NFATC2: variants seen among roughly 807,000 people sequenced by gnomAD.
NFATC2 encodes nuclear factor of activated T cells 2.
In NFATC2, 22 loss-of-function variants were observed where a neutral mutation model predicts 87.3. The ratio of observed to expected loss-of-function variants is 0.25; its 90% CI spans 0.18 to 0.36. The LOEUF (loss-of-function observed/expected upper bound fraction) is 0.36, where lower values mean the gene tolerates loss of function less well. Among genes scored for constraint, NFATC2 ranks in the 10% least tolerant of loss-of-function variants. NFATC2 has a pLI of 1.00. For synonymous variants in NFATC2, 565 were observed against 542.2 expected, an observed-to-expected ratio of 1.04 and a Z score of -0.58; for missense variants, 1,149 against 1,259.1, an observed-to-expected ratio of 0.91 and a Z score of 1.32.
At chr20:51,423,291 CAAAAAAAAA>C (rs71192527) in intron 9 of NFATC2, among the ~76,000 whole-genome samples, 12 of 62,858 alleles carry the variant, frequency 1.9e-4, no homozygotes, top group African/African-American at 8.9e-4. Context: ...GACCCTCTCT[CAAAAAAAAA>C]AAAAAAAAAA....
In NFATC2 at chr20:51,561,491, G is replaced by A. The variant is rs1242185896; in HGVS notation, c.70+1069C>T. 9.5e-5 allele frequency among the ~76,000 whole-genome samples: 9 copies of A among 95,146 alleles called. No homozygotes were observed. In the East Asian group the frequency reaches 2.2e-3, roughly 23 times the overall value. The allele number at this position is 95,146 out of a possible 152,430, so 62.4% of individuals were successfully genotyped here. On this transcript the variant is annotated intron_variant, in intron 1 of 10. Transcript: ENST00000414705. ...AGAAAGAAAGAAAGAAAGAAAGCAA[G>A]CAAGCAAGCAAGCAAGCAAGCAAGC...
chr20:51,398,394 G>A (rs1402369402), intron 10 of NFATC2, among the ~76,000 whole-genome samples: 1 of 152,170 alleles, frequency 6.6e-6, no homozygotes, highest in Non-Finnish European at 1.5e-5. Context: ...GGCCAGCCCT[G>A]GAATCGGGGA....
chr20:51,513,832 A>G (rs2076309756), intron 3 of NFATC2, among the ~76,000 whole-genome samples: 1 of 152,164 alleles, frequency 6.6e-6, no homozygotes, highest in Admixed American at 6.5e-5. Context: ...AACTAGGGGG[A>G]ATGGAGTGGC....
intron 1 of NFATC2, among the ~76,000 whole-genome samples, chr20:51,561,484 A>AAAAGC (rs2077029913): frequency 1.1e-5 from 1 of 89,980 alleles, no homozygotes; most frequent in Non-Finnish European, 2.2e-5. Flanking sequence ...AGAAAGAAAG[A>AAAAGC]AAGCAAGCAA....
chr20:51,433,434 G>A (rs1034885801), intron 8 of NFATC2, among the ~76,000 whole-genome samples: 4 of 152,208 alleles, frequency 2.6e-5, no homozygotes, highest in Admixed American at 2.0e-4. Flanking sequence ...CTACCCCCAC[G>A]AGATCACTGG....
chr20:51,445,865 G>A (rs374482990), intron 6 of NFATC2, among the ~76,000 whole-genome samples: 1 of 152,186 alleles, frequency 6.6e-6, no homozygotes, highest in Non-Finnish European at 1.5e-5. Flanking sequence ...GAGAGGGCAC[G>A]CTTGGATGCT....
chr20:51,505,216 CTG>C (rs1251588339), intron 3 of NFATC2, among the ~76,000 whole-genome samples: 6 of 151,464 alleles, frequency 4.0e-5, no homozygotes, highest in Non-Finnish European at 7.4e-5. Context: ...CAGGGTTTCA[CTG>C]TGTTAGCCAG....
chr20:51,455,265 C>G (rs894127121), intron 5 of NFATC2, among the ~76,000 whole-genome samples: 1 of 152,198 alleles, frequency 6.6e-6, no homozygotes, highest in African/African-American at 2.4e-5. Context: ...CTCATTCACT[C>G]TGTTCCAGCC....
chr20:51,485,536 T>C (rs1989631694), intron 3 of NFATC2, among the ~76,000 whole-genome samples: 1 of 151,904 alleles, frequency 6.6e-6, no homozygotes, highest in South Asian at 2.1e-4. Context: ...TTGTTGATTT[T>C]TTTTTTTTAA....
At chr20:51,483,662 C>T (rs1375320465) in intron 3 of NFATC2, among the ~76,000 whole-genome samples, 1 of 141,236 alleles carries the variant, frequency 7.1e-6, no homozygotes, top group Non-Finnish European at 1.5e-5. Flanking sequence ...AGGCACACTT[C>T]GTCCATGACT....
chr20:51,561,391 AAG>A (rs1242085061), intron 1 of NFATC2, among the ~76,000 whole-genome samples: 10 of 146,330 alleles, frequency 6.8e-5, no homozygotes, highest in African/African-American at 1.4e-4. Flanking sequence ...GAAAGAAAGA[AAG>A]AGAGAGAAAG....
intron 3 of NFATC2, among the ~76,000 whole-genome samples, chr20:51,481,029 G>C (rs1388288759): frequency 6.6e-6 from 1 of 152,140 alleles, no homozygotes; most frequent in Admixed American, 6.5e-5. Context: ...GAGGGGCCAG[G>C]TGAAGAAACC....
intron 9 of NFATC2, among the ~76,000 whole-genome samples, chr20:51,423,938 A>G (rs1981357046): frequency 6.6e-6 from 1 of 152,212 alleles, no homozygotes; most frequent in Non-Finnish European, 1.5e-5. Context: ...CTGGGTCTGG[A>G]GTCGGCTGGA....
intron 9 of NFATC2, among the ~76,000 whole-genome samples, chr20:51,418,659 G>GTTTTTTT (rs752511466): frequency 1.0e-4 from 13 of 125,104 alleles, no homozygotes; most frequent in African/African-American, 4.0e-4. Context: ...TGTTTGTTTG[G>GTTTTTTT]TTTTTTTTTT....
intron 5 of NFATC2, 151 bp from the exon 6 acceptor site, chr20:51,454,839 C>A: frequency 1.2e-6 from 1 of 836,538 alleles, no homozygotes; most frequent in Non-Finnish European, 1.8e-6. Context: ...CCCTGACAAT[C>A]AATGACGTAC....
intron 1 of NFATC2, among the ~76,000 whole-genome samples, chr20:51,526,392 C>A (rs2076546368): frequency 6.6e-6 from 1 of 152,138 alleles, no homozygotes. Flanking sequence ...AACCGAATGG[C>A]CCCCAAAGCC....
chr20:51,542,460 C>T lies in NFATC2; in HGVS notation c.40G>A (p.Asp14Asn). 6.4e-7 allele frequency: 1 copy of T among 1,571,738 alleles called. No individual in the cohort carries two copies. The highest frequency in any genetic ancestry group is 2.5e-5 in the East Asian group (1 of 39,638). ...PERQPQPDGG[D>N]APGHEPGGSP... ...CCCCCAGGCTCGTGGCCTGGGGCGT[C>T]CCCGCCGTCGGGTTGGGGCTGCCGC... The change falls in exon 1 of 11, where the codon GAC (aspartate) becomes AAC (asparagine). Residue 14 changes from aspartate to asparagine, a missense_variant. Transcript: ENST00000371564.
chr20:51,473,115 T>G (rs563489853), intron 5 of NFATC2, among the ~76,000 whole-genome samples: 147 of 152,120 alleles, frequency 9.7e-4, no homozygotes, highest in Non-Finnish European at 1.7e-3. Context: ...ATGTGCCAGG[T>G]TTCTGCTCAG....
At chr20:51,559,951 C>A (rs1034910120) in intron 1 of NFATC2, among the ~76,000 whole-genome samples, 2 of 152,208 alleles carry the variant, frequency 1.3e-5, no homozygotes, top group African/African-American at 4.8e-5. Flanking sequence ...AAAATTGAGG[C>A]TTCACAAGCC....
Sources: gnomAD v4.1 joint callset for allele counts (sites outside exome capture counted in the v4.1 genomes callset) on GRCh38, gnomAD v4.1.1 for gene constraint, MANE v1.5 for transcripts, NCBI Gene and HGNC (gene_info 2026-07-23, HGNC 2026-07-21) for gene names.